Variants in VPS41 observed in about 807,000 individuals in gnomAD.
VPS41 encodes vacuolar protein sorting-associated protein 41 homolog.
In VPS41, 85 loss-of-function variants were observed where a neutral mutation model predicts 130.9. That is an observed-to-expected ratio of 0.65 (90% CI 0.55 to 0.78). The LOEUF (loss-of-function observed/expected upper bound fraction) is 0.78, where lower values mean the gene tolerates loss of function less well. Among genes scored for constraint, VPS41 ranks in the 30% least tolerant of loss-of-function variants. The probability of loss-of-function intolerance (pLI) is 0.00; values close to 1 mark genes in which losing one functional copy is unlikely to be tolerated. For missense variants in VPS41, 874 were observed against 1,018.7 expected (o/e 0.86, Z 1.93); for synonymous variants, 335 against 332.9 (o/e 1.01, Z -0.07).
intron 2 of VPS41, among the ~76,000 whole-genome samples, chr7:38,894,335 C>T (rs1786931907): frequency 6.6e-6 from 1 of 152,096 alleles, no homozygotes; most frequent in Non-Finnish European, 1.5e-5. Flanking sequence ...AAGGCCTAAA[C>T]CTGGTCCATC....
At chr7:38,819,850 TG>T (rs1785134873) in intron 6 of VPS41, among the ~76,000 whole-genome samples, 1 of 152,174 alleles carries the variant, frequency 6.6e-6, no homozygotes, top group South Asian at 2.1e-4. Flanking sequence ...AGCTCTAAAT[TG>T]GATAATATCT....
In VPS41 at chr7:38,754,947, T is replaced by A. The variant is rs199639634; in HGVS notation, c.1696-11A>T. 1.2e-6 allele frequency: 2 copies of A among 1,612,752 alleles called. No homozygotes were observed. Among genetic ancestry groups the A allele is most frequent in the Non-Finnish European group, 1.7e-6 (2 of 1,179,378 alleles). On this transcript the variant is annotated splice_polypyrimidine_tract_variant and intron_variant, in intron 19 of 28. Coordinates refer to ENST00000310301, the MANE Select transcript of VPS41 (RefSeq NM_014396.4). ...CATGTCAACAGCTTTCTGAAACATA[T>A]AAGAAAAGCCACAGTCAATGAAATC...
intron 2 of VPS41, among the ~76,000 whole-genome samples, chr7:38,892,779 T>C (rs1022787044): frequency 6.6e-6 from 1 of 152,146 alleles, no homozygotes; most frequent in Non-Finnish European, 1.5e-5. Flanking sequence ...GATTAGAACA[T>C]CTTTTTCCTC....
At chr7:38,784,450 C>A (rs1224619382) in intron 10 of VPS41, among the ~76,000 whole-genome samples, 4 of 152,004 alleles carry the variant, frequency 2.6e-5, no homozygotes, top group African/African-American at 4.8e-5. Context: ...GCATGGGCAA[C>A]AAAAGGAGAC....
intron 11 of VPS41, among the ~76,000 whole-genome samples, chr7:38,776,352 G>A (rs1052508086): frequency 1.3e-5 from 2 of 152,166 alleles, no homozygotes; most frequent in African/African-American, 4.8e-5. Flanking sequence ...CAAGTTCATT[G>A]CTGTCATTTC....
chr7:38,903,775 T>C (rs1412163223), intron 1 of VPS41, among the ~76,000 whole-genome samples: 1 of 151,804 alleles, frequency 6.6e-6, no homozygotes, highest in Non-Finnish European at 1.5e-5. Context: ...CTCAAAGGAG[T>C]TGTGGCCAGC....
intron 7 of VPS41, among the ~76,000 whole-genome samples, chr7:38,812,633 G>A (rs535110120): frequency 1.4e-4 from 22 of 152,068 alleles, no homozygotes; most frequent in African/African-American, 2.9e-4. Flanking sequence ...AAATATTTGC[G>A]AATCATGTAT....
chr7:38,809,801 G>A (rs868210986), intron 7 of VPS41, among the ~76,000 whole-genome samples: 7 of 151,994 alleles, frequency 4.6e-5, no homozygotes, highest in South Asian at 4.1e-4. Context: ...AAACAGCATC[G>A]CGACAATTTA....
chr7:38,769,306 T>C (rs1784111165), intron 14 of VPS41, among the ~76,000 whole-genome samples: 1 of 152,300 alleles, frequency 6.6e-6, no homozygotes, highest in Admixed American at 6.5e-5. Flanking sequence ...CCTCTGTTCA[T>C]GACACTCACT....
chr7:38,760,699 T>C (rs578089208), intron 17 of VPS41, among the ~76,000 whole-genome samples: 2 of 152,260 alleles, frequency 1.3e-5, no homozygotes, highest in South Asian at 4.1e-4. Context: ...AGTATGTCCC[T>C]AACCTTGGCA....
At chr7:38,774,843 T>A (rs775513297) in intron 11 of VPS41, among the ~76,000 whole-genome samples, 2 of 152,100 alleles carry the variant, frequency 1.3e-5, no homozygotes, top group Non-Finnish European at 2.9e-5. Context: ...CTAACACACA[T>A]GTGCTTTATC....
At chr7:38,831,232 T>C in intron 4 of VPS41, 1 of 471,204 alleles carries the variant, frequency 2.1e-6, no homozygotes, top group Non-Finnish European at 4.4e-6. Flanking sequence ...TTGTAATTTC[T>C]TTGGCATCTG....
chr7:38,758,461 T>G lies in VPS41; in HGVS notation c.1443A>C (p.Arg481=). Residue 481 remains arginine, a synonymous_variant, in exon 18 of 29, where the codon CGA becomes CGC. Coordinates refer to ENST00000310301, the MANE Select transcript of VPS41 (RefSeq NM_014396.4). The stretch of plus-strand genomic sequence containing the variant: ...TATTATACAGATCTCCAGGCCATTC[T>G]CGGATCAATGTGGCAAAACCCTAAC... ...SDYEGFATLI[R]EWPGDLYNNS... 1 of 1,612,868 alleles carries G rather than the reference T, an allele frequency of 6.2e-7. No homozygotes were observed. The highest frequency in any genetic ancestry group is 8.5e-7 in the Non-Finnish European group (1 of 1,179,628).
intron 27 of VPS41, among the ~76,000 whole-genome samples, chr7:38,728,138 G>T (rs964504734): frequency 5.3e-5 from 8 of 152,156 alleles, no homozygotes; most frequent in Non-Finnish European, 1.2e-4. Flanking sequence ...AATGCTGATG[G>T]TTAGTTTTCA....
Position 38,740,581 on chromosome 7 carries a change from A to G in VPS41, c.2259+1404T>C, listed in dbSNP as rs114519063. On this transcript the variant is annotated intron_variant, in intron 25 of 28. Transcript: ENST00000310301. ...CAAATCCCACTGGAAATATATGCCT[A>G]TATATCGTTAAGCTTTTTGCGGAAC... 1.5e-3 allele frequency among the ~76,000 whole-genome samples: 234 copies of G among 152,286 alleles called. 3 individuals are homozygous for G. The highest frequency in any genetic ancestry group is 5.3e-3 in the African/African-American group (221 of 41,560).
chr7:38,832,378 G>A (rs2108509), intron 4 of VPS41, among the ~76,000 whole-genome samples: 7,935 of 143,676 alleles, frequency 0.055, 264 homozygotes, highest in Middle Eastern at 0.17. Context: ...ACAGTGCAGC[G>A]GCACAATCTC....
rs764550314 is a variant in VPS41, at chr7:38,725,767, T to C, written c.*479A>G. On this transcript the variant is annotated 3_prime_UTR_variant, in exon 29 of 29. Transcript: ENST00000310301. ...TGCCTATTTAGAGGATAACCATAGT[T>C]GATGACACAGAAAAAAGCCAAACCC... The C allele has an allele frequency of 6.4e-6, 1 of 156,838 alleles. No homozygotes were observed. Among genetic ancestry groups the C allele is most frequent in the Admixed American group, 6.4e-5 (1 of 15,690 alleles). 9.7% of individuals were successfully genotyped at this position (156,838 alleles called of 1,614,324 possible). A position where few individuals can be genotyped will look rare whatever the true frequency, so the allele number is the denominator to read the frequency against.
chr7:38,741,343 T>C (rs781463659), intron 25 of VPS41: 2 of 359,578 alleles, frequency 5.6e-6, no homozygotes, highest in South Asian at 4.6e-5. Flanking sequence ...TCCTGAAAAA[T>C]AGTAATTGCT....
At chr7:38,755,979 T>C (rs980727403) in intron 19 of VPS41, among the ~76,000 whole-genome samples, 3 of 152,112 alleles carry the variant, frequency 2.0e-5, no homozygotes, top group African/African-American at 7.2e-5. Context: ...TAAAGCATCT[T>C]TGAGAAAAAG....
Sources: gnomAD v4.1 joint callset for allele counts (sites outside exome capture counted in the v4.1 genomes callset) on GRCh38, gnomAD v4.1.1 for gene constraint, MANE v1.5 for transcripts, NCBI Gene and HGNC (gene_info 2026-07-23, HGNC 2026-07-21) for gene names.